The following LIMS4 variants were observed in gnomAD, a reference collection of about 807,000 sequenced individuals.
The protein encoded by LIMS4 is LIM and senescent cell antigen-like-containing domain protein 4.
At chr2:110,366,963 A>C in the LIMS4 span, among the ~76,000 whole-genome samples, 1 of 148,192 alleles carries the variant, frequency 6.7e-6, no homozygotes, top group Non-Finnish European at 1.5e-5. Flanking sequence ...ACACACACAC[A>C]CACACACACA....
chr2:110,388,058 TTGCG>T, the LIMS4 span: 3 of 133,562 alleles, frequency 2.2e-5, no homozygotes, highest in South Asian at 8.0e-4. Flanking sequence ...GTTATCCATT[TTGCG>T]TGGATTATTT....
chr2:110,367,356 G>A, the LIMS4 span, among the ~76,000 whole-genome samples: 15 of 144,870 alleles, frequency 1.0e-4, no homozygotes, highest in Non-Finnish European at 1.5e-4. Flanking sequence ...AACCAAAACA[G>A]CATGGTATTG....
At chr2:110,367,914 G>A in the LIMS4 span, among the ~76,000 whole-genome samples, 1 of 144,426 alleles carries the variant, frequency 6.9e-6, no homozygotes, top group African/African-American at 2.8e-5. Context: ...ACTAGAGAGT[G>A]TTAAGAATGT....
chr2:110,392,493 A>C, the LIMS4 span, among the ~76,000 whole-genome samples: 1 of 151,494 alleles, frequency 6.6e-6, no homozygotes, highest in East Asian at 1.9e-4. Flanking sequence ...TTGATGAAAA[A>C]CAGGTAGTCC....
the LIMS4 span, among the ~76,000 whole-genome samples, chr2:110,391,494 C>A: frequency 2.6e-5 from 2 of 77,626 alleles, no homozygotes. Flanking sequence ...GCAGCTGCTC[C>A]CCAGAGCCAG....
chr2:110,378,977 C>T, the LIMS4 span, among the ~76,000 whole-genome samples: 2 of 136,454 alleles, frequency 1.5e-5, no homozygotes, highest in Admixed American at 7.3e-5. Context: ...TCTCTTTCTA[C>T]ACACACACAC....
At chr2:110,367,198 C>A in the LIMS4 span, among the ~76,000 whole-genome samples, 115 of 149,904 alleles carry the variant, frequency 7.7e-4, no homozygotes, top group Non-Finnish European at 1.3e-3. Flanking sequence ...CTACCAATGT[C>A]ATTTTTCACA....
At chr2:110,386,632 A>C in the LIMS4 span, 1 of 660,564 alleles carries the variant, frequency 1.5e-6, no homozygotes, top group African/African-American at 2.2e-5. Context: ...CAGTGCTGCC[A>C]GGAAGAGCTG....
the LIMS4 span, chr2:110,375,933 C>T: frequency 2.8e-5 from 2 of 71,050 alleles, no homozygotes; most frequent in Non-Finnish European, 4.8e-5. Context: ...GACTCAGTGG[C>T]TTCCATTTCT....
At chr2:110,391,969 C>T in the LIMS4 span, among the ~76,000 whole-genome samples, 12 of 149,872 alleles carry the variant, frequency 8.0e-5, no homozygotes, top group Non-Finnish European at 1.8e-4. Context: ...GGAGGCTGAG[C>T]AGTCAGCACG....
At chr2:110,361,879 A>G in the LIMS4 span, 4 of 1,286,134 alleles carry the variant, frequency 3.1e-6, no homozygotes, top group Non-Finnish European at 4.5e-6. Flanking sequence ...TCATTGGACA[A>G]ATAGGACACT....
the LIMS4 span, among the ~76,000 whole-genome samples, chr2:110,390,850 G>T: frequency 1.3e-5 from 2 of 152,282 alleles, no homozygotes; most frequent in Non-Finnish European, 2.9e-5. Context: ...ACCATCTGGA[G>T]GGGGAGCGGG....
the LIMS4 span, among the ~76,000 whole-genome samples, chr2:110,424,908 G>C: frequency 7.0e-6 from 1 of 143,508 alleles, no homozygotes; most frequent in Non-Finnish European, 1.5e-5. Flanking sequence ...ATTGAAAAAA[G>C]GGCACTCTGA....
the LIMS4 span, chr2:110,361,904 C>G: frequency 7.0e-7 from 1 of 1,431,468 alleles, no homozygotes; most frequent in Non-Finnish European, 9.8e-7. Flanking sequence ...GAAGACTTCA[C>G]AGTGAGAACC....
the LIMS4 span, chr2:110,397,285 G>A: frequency 7.4e-6 from 1 of 135,852 alleles, no homozygotes; most frequent in South Asian, 2.4e-4. Context: ...TTAACTGAGA[G>A]TCATACTTTT....
the LIMS4 span, among the ~76,000 whole-genome samples, chr2:110,367,568 A>G: frequency 7.3e-6 from 1 of 136,652 alleles, no homozygotes; most frequent in Non-Finnish European, 1.5e-5. Context: ...CCATATACAA[A>G]AATTAACTCA....
At chr2:110,387,665 T>G in the LIMS4 span, 1 of 284,042 alleles carries the variant, frequency 3.5e-6, no homozygotes, top group Admixed American at 4.7e-5. Context: ...ATTACAGGCA[T>G]GCCTCACCCA....
At chr2:110,366,757 G>C in the LIMS4 span, among the ~76,000 whole-genome samples, 1 of 152,062 alleles carries the variant, frequency 6.6e-6, no homozygotes, top group Non-Finnish European at 1.5e-5. Flanking sequence ...AACTATCTCT[G>C]TTTGCAGATA....
At chr2:110,374,396 TC>T in the LIMS4 span, among the ~76,000 whole-genome samples, 1 of 114,232 alleles carries the variant, frequency 8.8e-6, no homozygotes, top group Non-Finnish European at 1.7e-5. Context: ...CACCTGCACG[TC>T]TTCCTGGAGT....
Sources: allele counts gnomAD v4.1 joint callset (sites outside exome capture counted in the v4.1 genomes callset), GRCh38; gene constraint gnomAD v4.1.1; transcripts MANE v1.5; gene names NCBI Gene and HGNC (gene_info 2026-07-23, HGNC 2026-07-21).